The following PMFBP1 variants were observed in gnomAD, a reference collection of about 807,000 sequenced individuals.
PMFBP1 encodes polyamine modulated factor 1 binding protein 1.
PMFBP1 carries 131 observed loss-of-function variants against 137.8 expected under a neutral mutation model. The ratio of observed to expected loss-of-function variants is 0.95; its 90% CI spans 0.82 to 1.10. PMFBP1 has a LOEUF of 1.10. Among genes scored for constraint, PMFBP1 ranks in the 50% least tolerant of loss-of-function variants. The pLI, the probability that PMFBP1 is intolerant of heterozygous loss-of-function variation, is 0.00. For synonymous variants in PMFBP1, 490 were observed against 450.4 expected, an observed-to-expected ratio of 1.09 and a Z score of -1.11; for missense variants, 1,199 against 1,175.4, an observed-to-expected ratio of 1.02 and a Z score of -0.29.
At chr16:72,123,674 C>CA in intron 17 of PMFBP1, 25 bp from the exon 18 acceptor site, 2 of 1,603,390 alleles carry the variant, frequency 1.2e-6, no homozygotes, top group Non-Finnish European at 1.7e-6. Context: ...GAAAACGAGA[C>CA]AGTCAGAGGT....
the PMFBP1 span, among the ~76,000 whole-genome samples, chr16:72,228,089 T>TG: frequency 6.6e-6 from 1 of 152,130 alleles, no homozygotes; most frequent in African/African-American, 2.4e-5. Flanking sequence ...TTTTCAGAAG[T>TG]GGAAGCCTTT....
At chr16:72,208,407 G>A in the PMFBP1 span, among the ~76,000 whole-genome samples, 1 of 152,184 alleles carries the variant, frequency 6.6e-6, no homozygotes, top group Non-Finnish European at 1.5e-5. Context: ...GAGACCTTCT[G>A]ACTTGATGCT....
At chr16:72,222,401 T>C in the PMFBP1 span, among the ~76,000 whole-genome samples, 1 of 152,186 alleles carries the variant, frequency 6.6e-6, no homozygotes, top group East Asian at 1.9e-4. Context: ...CCTTCCTCCT[T>C]CTATCTCTTA....
the PMFBP1 span, among the ~76,000 whole-genome samples, chr16:72,226,668 T>C: frequency 1.3e-5 from 2 of 152,198 alleles, no homozygotes; most frequent in African/African-American, 2.4e-5. Context: ...AGAAACTGTA[T>C]TTTATTTGAT....
At chr16:72,152,790 A>G (rs867970718) in intron 4 of PMFBP1, among the ~76,000 whole-genome samples, 10 of 146,882 alleles carry the variant, frequency 6.8e-5, no homozygotes, top group Middle Eastern at 7.2e-3. Context: ...GGTTGCAGAG[A>G]GCCAAGATCG....
At chr16:72,134,342 T>G (rs12929749) in intron 9 of PMFBP1, among the ~76,000 whole-genome samples, 72,089 of 151,836 alleles carry the variant, frequency 0.47, 17,695 homozygotes, top group South Asian at 0.63. Context: ...GCCACCACAC[T>G]CAGCTAGTTT....
intron 17 of PMFBP1, 122 bp from the exon 18 acceptor site, chr16:72,123,771 G>C: frequency 1.2e-6 from 1 of 849,170 alleles, no homozygotes; most frequent in Non-Finnish European, 1.8e-6. Flanking sequence ...TGTCCAACCC[G>C]AGGCCAGAGT....
At chr16:72,147,002 T>TC (rs1260488316) in intron 5 of PMFBP1, among the ~76,000 whole-genome samples, 1 of 152,182 alleles carries the variant, frequency 6.6e-6, no homozygotes, top group Admixed American at 6.5e-5. Flanking sequence ...CTGAGTTTCT[T>TC]CACAGAATTG....
At chr16:72,229,833 A>T in the PMFBP1 span, among the ~76,000 whole-genome samples, 8 of 152,148 alleles carry the variant, frequency 5.3e-5, no homozygotes, top group African/African-American at 1.9e-4. Flanking sequence ...AACCATAAAA[A>T]TTGGCTATTT....
chr16:72,204,185 TGC>T, the PMFBP1 span, among the ~76,000 whole-genome samples: 3 of 143,390 alleles, frequency 2.1e-5, no homozygotes, highest in Non-Finnish European at 3.0e-5. Flanking sequence ...TTGTTACTCA[TGC>T]GCATTTTTTT....
rs2144244666 is a variant in PMFBP1 at position 72,124,757 on chromosome 16, G to C, written c.2589+10C>G. On this transcript the variant is annotated intron_variant, in intron 17 of 20. Transcript: ENST00000237353. ...TGAGAGGAGGCACGCAGAAGCCAAG[G>C]CATGCCCACCTCCTTATCGTCCTCA... is the stretch of plus-strand genomic sequence containing the variant. 2 of 1,611,844 alleles carry C rather than the reference G, an allele frequency of 1.2e-6. No individual in the cohort carries two copies. Among genetic ancestry groups the C allele is most frequent in the Non-Finnish European group, 8.5e-7 (1 of 1,178,562 alleles).
At chr16:72,200,436 T>C in the PMFBP1 span, among the ~76,000 whole-genome samples, 1 of 152,236 alleles carries the variant, frequency 6.6e-6, no homozygotes, top group Non-Finnish European at 1.5e-5. Flanking sequence ...TGGAAGGTTC[T>C]GGGAGGACAT....
At chr16:72,124,672 TCCCACC>T in intron 17 of PMFBP1, 89 bp downstream of exon 17, 2 of 1,460,452 alleles carry the variant, frequency 1.4e-6, no homozygotes, top group Non-Finnish European at 1.9e-6. Flanking sequence ...TCCCAGGCTC[TCCCACC>T]CCCACCAAGG....
the PMFBP1 span, among the ~76,000 whole-genome samples, chr16:72,210,161 A>G: frequency 1.3e-5 from 2 of 152,288 alleles, no homozygotes; most frequent in Admixed American, 1.3e-4. Flanking sequence ...ATGCAGCGAA[A>G]CTTACGAAGT....
At chr16:72,188,091 C>T in the PMFBP1 span, among the ~76,000 whole-genome samples, 11 of 152,154 alleles carry the variant, frequency 7.2e-5, no homozygotes, top group Non-Finnish European at 2.9e-5. Context: ...TGCCGTCAGC[C>T]AATGATGTAG....
chr16:72,214,319 C>T, the PMFBP1 span, among the ~76,000 whole-genome samples: 107 of 152,134 alleles, frequency 7.0e-4, no homozygotes, highest in Non-Finnish European at 1.1e-3. Flanking sequence ...CTCAGCCTCC[C>T]GAGTAACTGG....
At chr16:72,249,612 CG>C in the PMFBP1 span, among the ~76,000 whole-genome samples, 1 of 151,580 alleles carries the variant, frequency 6.6e-6, no homozygotes, top group African/African-American at 2.4e-5. Flanking sequence ...TGTCTGAGTT[CG>C]GGGGAAAGAA....
chr16:72,119,034 C>T (rs7184169), downstream of PMFBP1: 86,955 of 322,098 alleles, frequency 0.27, 12,561 homozygotes, highest in African/African-American at 0.38. Flanking sequence ...ACAGGATGAA[C>T]ATGTTGCTGG....
chr16:72,122,503 C>A (rs2042390553), intron 19 of PMFBP1, among the ~76,000 whole-genome samples: 1 of 152,172 alleles, frequency 6.6e-6, no homozygotes, highest in Admixed American at 6.5e-5. Flanking sequence ...AACAGAAGGG[C>A]TCCTCCAACC....
Sources: allele counts gnomAD v4.1 joint callset (sites outside exome capture counted in the v4.1 genomes callset), GRCh38; gene constraint gnomAD v4.1.1; transcripts MANE v1.5; gene names NCBI Gene and HGNC (gene_info 2026-07-23, HGNC 2026-07-21).